Variants in CHD1L observed in about 807,000 individuals in gnomAD.
CHD1L encodes the protein chromodomain helicase DNA binding protein 1 like.
A neutral mutation model predicts 115.9 loss-of-function variants in CHD1L; 118 were observed. That is an observed-to-expected ratio of 1.02 (90% confidence interval 0.88 to 1.19). The LOEUF is 1.19. CHD1L is among the 50% of genes most tolerant of loss of function. The pLI, the probability that CHD1L is intolerant of heterozygous loss-of-function variation, is 0.00. For synonymous variants in CHD1L, 411 were observed against 387.1 expected (o/e 1.06, Z -0.72); for missense variants, 1,179 against 1,065.3 (o/e 1.11, Z -1.49).
chr1:147,260,060 G>A (rs1421612279), intron 6 of CHD1L, 142 bp downstream of exon 6: 1 of 591,880 alleles, frequency 1.7e-6, no homozygotes, highest in Non-Finnish European at 2.9e-6. Context: ...CACATGTACA[G>A]CTGTCCCCTG....
chr1:147,212,463 C>T, the CHD1L span: 2 of 1,613,974 alleles, frequency 1.2e-6, no homozygotes, highest in Admixed American at 3.3e-5. Context: ...TATAATGACT[C>T]TCTTTCCAGT....
intron 15 of CHD1L, 58 bp downstream of exon 15, chr1:147,280,249 T>C: frequency 1.3e-6 from 2 of 1,493,346 alleles, no homozygotes; most frequent in Non-Finnish European, 1.8e-6. Flanking sequence ...AGAGCTCACG[T>C]CCCCATGGAA....
chr1:147,283,410 T>G (rs1681715930), intron 15 of CHD1L, among the ~76,000 whole-genome samples: 1 of 152,230 alleles, frequency 6.6e-6, no homozygotes, highest in South Asian at 2.1e-4. Flanking sequence ...CTAAATATGC[T>G]TCCCGATTCA....
intron 18 of CHD1L, among the ~76,000 whole-genome samples, chr1:147,287,006 A>G (rs587703326): frequency 2.0e-5 from 3 of 151,948 alleles, no homozygotes; most frequent in African/African-American, 7.2e-5. Flanking sequence ...CTTCTCCCAT[A>G]TTTTCCTTTA....
At chr1:147,267,591 C>T in intron 9 of CHD1L, 73 bp downstream of exon 9, 4 of 1,166,172 alleles carry the variant, frequency 3.4e-6, no homozygotes, top group Middle Eastern at 2.0e-4. Context: ...CAAAATTCTT[C>T]AAAATAATTG....
At chr1:147,256,298 C>A (rs77500845) in intron 4 of CHD1L, among the ~76,000 whole-genome samples, 1,940 of 152,210 alleles carry the variant, frequency 0.013, 40 homozygotes, top group African/African-American at 0.045. Flanking sequence ...TATTTTAAAT[C>A]CTTGTTTTTC....
the CHD1L span, chr1:147,204,470 G>A: frequency 1.1e-5 from 16 of 1,454,858 alleles, no homozygotes; most frequent in Admixed American, 1.7e-5. Context: ...TCAACATCTC[G>A]AAGGTTTTTT....
chr1:147,254,919 C>T lies in CHD1L; in HGVS notation c.290C>T (p.Pro97Leu). Residue 97 changes from proline (P) to leucine (L), a missense_variant, in exon 3 of 23, where the codon CCA (proline) becomes CTA (leucine). Transcript: ENST00000369258. ...GCAGGAAGATTAAATGATGAAGGGC[C>T]ATTTCTGATTCTTTGTCCCTTGTCT... Reference protein sequence around the residue: ...YLAGRLNDEGPFLILCPLSVL... With the variant: ...YLAGRLNDEGLFLILCPLSVL... 1 of 1,611,534 alleles carries T rather than the reference C, an allele frequency of 6.2e-7. No homozygotes were observed. The highest frequency in any genetic ancestry group is 2.2e-5 in the East Asian group (1 of 44,730).
At chr1:147,255,509 G>A (rs587770207) in intron 3 of CHD1L, among the ~76,000 whole-genome samples, 8 of 152,298 alleles carry the variant, frequency 5.3e-5, no homozygotes, top group African/African-American at 1.4e-4. Flanking sequence ...TTACAGGTGT[G>A]AGCCACCGCG....
chr1:147,204,878 C>G, the CHD1L span: 6 of 1,592,184 alleles, frequency 3.8e-6, no homozygotes, highest in Admixed American at 6.7e-5. Context: ...AAGTGTTTCG[C>G]TCCCTCCTTG....
At chr1:147,196,394 C>T in the CHD1L span, among the ~76,000 whole-genome samples, 2 of 152,048 alleles carry the variant, frequency 1.3e-5, no homozygotes, top group African/African-American at 4.8e-5. Context: ...TTCCAAATTA[C>T]TTCTACACAA....
chr1:147,196,612 T>A, the CHD1L span, among the ~76,000 whole-genome samples: 1 of 152,138 alleles, frequency 6.6e-6, no homozygotes, highest in South Asian at 2.1e-4. Flanking sequence ...TAAAAAATTT[T>A]AAAAAGATGT....
chr1:147,178,176 C>CGCG, the CHD1L span: 1 of 1,611,232 alleles, frequency 6.2e-7, no homozygotes. Flanking sequence ...CGGCCCGCCT[C>CGCG]GCGGCTGCCT....
the CHD1L span, among the ~76,000 whole-genome samples, chr1:147,222,930 C>A: frequency 6.6e-6 from 1 of 152,146 alleles, no homozygotes; most frequent in African/African-American, 2.4e-5. Flanking sequence ...GTAAAGACAC[C>A]ACATGTGTGA....
chr1:147,248,935 A>G (rs1410826459), intron 1 of CHD1L, among the ~76,000 whole-genome samples: 1 of 152,174 alleles, frequency 6.6e-6, no homozygotes, highest in Non-Finnish European at 1.5e-5. Flanking sequence ...CACATCAGAC[A>G]CTGTTATAAT....
chr1:147,277,538 C>T (rs1315352904), intron 14 of CHD1L, among the ~76,000 whole-genome samples: 1 of 152,116 alleles, frequency 6.6e-6, no homozygotes, highest in Non-Finnish European at 1.5e-5. Flanking sequence ...GAAAGAGTAA[C>T]ACTGGGTTTG....
the CHD1L span, chr1:147,178,324 G>A: frequency 1.2e-6 from 2 of 1,612,728 alleles, no homozygotes; most frequent in Non-Finnish European, 8.5e-7. Flanking sequence ...TGAAGCTGCA[G>A]CTACCAGATT....
the CHD1L span, among the ~76,000 whole-genome samples, chr1:147,214,343 C>T: frequency 0.037 from 5,601 of 151,764 alleles, 143 homozygotes; most frequent in South Asian, 0.095. Context: ...CCCAGCTACT[C>T]GGGAGGCTGA....
the CHD1L span, among the ~76,000 whole-genome samples, chr1:147,206,913 C>T: frequency 6.6e-6 from 1 of 151,410 alleles, no homozygotes; most frequent in East Asian, 1.9e-4. Context: ...TGCACATGTA[C>T]CCTAGAACTT....
Sources: gnomAD v4.1 joint callset for allele counts (sites outside exome capture counted in the v4.1 genomes callset) on GRCh38, gnomAD v4.1.1 for gene constraint, MANE v1.5 for transcripts, NCBI Gene and HGNC (gene_info 2026-07-23, HGNC 2026-07-21) for gene names.